SPHKAP: variants seen among roughly 807,000 people sequenced by gnomAD.
SPHKAP encodes the protein SPHK1 interactor, AKAP domain containing, also known as A-kinase anchor protein SPHKAP.
A neutral mutation model predicts 137.5 loss-of-function variants in SPHKAP; 67 were observed. The observed-to-expected ratio is 0.49, with a 90% CI of 0.40 to 0.60. The LOEUF is 0.60. Ranked by LOEUF, SPHKAP falls within the 20% of genes least tolerant of loss-of-function variation. The pLI, the probability that SPHKAP is intolerant of heterozygous loss-of-function variation, is 0.00. For synonymous variants in SPHKAP, 813 were observed against 785.3 expected, an observed-to-expected ratio of 1.04 and a Z score of -0.59; for missense variants, 2,097 against 2,069.3, an observed-to-expected ratio of 1.01 and a Z score of -0.26.
chr2:228,121,758 G>A (rs1326644653), intron 2 of SPHKAP, among the ~76,000 whole-genome samples: 1 of 152,140 alleles, frequency 6.6e-6, no homozygotes, highest in Admixed American at 6.5e-5. Flanking sequence ...GCATGCAAAG[G>A]AGAGGGCTCA....
At chr2:228,118,214 A>G (rs577004799) in intron 2 of SPHKAP, among the ~76,000 whole-genome samples, 3 of 144,570 alleles carry the variant, frequency 2.1e-5, no homozygotes, top group African/African-American at 7.6e-5. Flanking sequence ...ATTGCTGAGT[A>G]GCATTCCATT....
chr2:228,145,582 C>A (rs1162727793), intron 1 of SPHKAP, among the ~76,000 whole-genome samples: 1 of 152,068 alleles, frequency 6.6e-6, no homozygotes, highest in Non-Finnish European at 1.5e-5. Context: ...TCTATCATTA[C>A]AATTATAGAT....
Position 228,102,840 on chromosome 2 carries a change from T to G in SPHKAP, c.246+5992A>C, listed in dbSNP as rs575523200. Among the ~76,000 whole-genome samples the G allele has an allele frequency of 1.4e-4, 21 of 152,224 alleles. No homozygotes were observed. The South Asian group carries it at 4.4e-3, about 32-fold the overall frequency. ...TCACTGCTGCCTCGAACTCCTGGCC[T>G]CCAGTGATCTCTCACCCCAACCTCC... On this transcript the variant is annotated intron_variant, in intron 3 of 11. Transcript: ENST00000392056.
chr2:228,075,676 G>A (rs1697156815), intron 3 of SPHKAP, among the ~76,000 whole-genome samples: 1 of 152,120 alleles, frequency 6.6e-6, no homozygotes, highest in Non-Finnish European at 1.5e-5. Context: ...AAAAGAAAAA[G>A]CAATGTTTCT....
At chr2:228,001,248 T>TAC (rs201404615) in intron 7 of SPHKAP, among the ~76,000 whole-genome samples, 18 of 114,712 alleles carry the variant, frequency 1.6e-4, no homozygotes, top group Non-Finnish European at 2.6e-4. Flanking sequence ...TATATATATA[T>TAC]ACACACACAC....
rs75541830 is a variant in SPHKAP, at chr2:227,981,405, G to A, written c.*312C>T. 617 of 205,668 alleles carry A rather than the reference G, an allele frequency of 3.0e-3. 24 individuals carry two copies. In the East Asian group the frequency reaches 0.061, roughly 20 times the overall value. The allele number at this position is 205,668 out of a possible 1,614,324, so 12.7% of individuals were successfully genotyped here. A position where few individuals can be genotyped will look rare whatever the true frequency, so the allele number is the denominator to read the frequency against. On this transcript the variant is annotated 3_prime_UTR_variant, in exon 12 of 12. Coordinates refer to ENST00000392056, the MANE Select transcript of SPHKAP (RefSeq NM_001142644.2). ...TCATTTTATATGATTAAACTTATGTGAGTGTTGTTTTCCTGGAGATTGGGT... is the reference window on the plus strand; with the variant it reads ...TCATTTTATATGATTAAACTTATGTAAGTGTTGTTTTCCTGGAGATTGGGT...
At chr2:228,015,849 T>A (rs570686546) in intron 7 of SPHKAP, among the ~76,000 whole-genome samples, 1 of 151,812 alleles carries the variant, frequency 6.6e-6, no homozygotes, top group South Asian at 2.1e-4. Flanking sequence ...AGAAGAAAAA[T>A]GAGAGGAGAG....
At chr2:228,147,342 T>A in intron 1 of SPHKAP, among the ~76,000 whole-genome samples, 1 of 152,182 alleles carries the variant, frequency 6.6e-6, no homozygotes, top group Non-Finnish European at 1.5e-5. Context: ...ATATAAACCG[T>A]GAGTGGAAAT....
At chr2:227,999,274 C>T (rs984950014) in intron 7 of SPHKAP, among the ~76,000 whole-genome samples, 1 of 152,036 alleles carries the variant, frequency 6.6e-6, no homozygotes, top group African/African-American at 2.4e-5. Context: ...GAAAGAAGGT[C>T]CTTGCTTGGT....
chr2:228,059,634 G>C (rs937058218), intron 3 of SPHKAP, among the ~76,000 whole-genome samples: 2 of 152,272 alleles, frequency 1.3e-5, no homozygotes, highest in Admixed American at 1.3e-4. Flanking sequence ...TCCAATTCTT[G>C]TCTTTAGGTA....
At chr2:228,163,569 G>A (rs1394587020) in intron 1 of SPHKAP, among the ~76,000 whole-genome samples, 3 of 152,092 alleles carry the variant, frequency 2.0e-5, no homozygotes, top group Non-Finnish European at 2.9e-5. Context: ...TTGAAGAGGA[G>A]CAATTGTACC....
At position 228,138,877 on chromosome 2, in the gene SPHKAP, T is replaced by A. The variant is rs901472082; in HGVS notation, c.33-6792A>T. 3.3e-5 allele frequency among the ~76,000 whole-genome samples: 5 copies of A among 152,332 alleles called. No homozygotes were observed. The East Asian group carries it at 9.7e-4, about 29-fold the overall frequency. On this transcript the variant is annotated intron_variant, in intron 1 of 11. Transcript: ENST00000392056. Reference sequence around the variant, plus strand: ...TGTAGCAAGAAACTGTGATGTATTATCCAAGAATGAAGGATATTTCTTTTC... The same window carrying A: ...TGTAGCAAGAAACTGTGATGTATTAACCAAGAATGAAGGATATTTCTTTTC...
At chr2:228,021,193 G>T (rs147728301) in intron 6 of SPHKAP, among the ~76,000 whole-genome samples, 12 of 152,262 alleles carry the variant, frequency 7.9e-5, no homozygotes, top group African/African-American at 2.9e-4. Context: ...CACTTTCCTG[G>T]ATTATCTCTT....
At chr2:228,089,078 G>A (rs922192181) in intron 3 of SPHKAP, among the ~76,000 whole-genome samples, 13 of 152,230 alleles carry the variant, frequency 8.5e-5, no homozygotes, top group Admixed American at 3.3e-4. Context: ...AAGAAGACAG[G>A]AAAATGAGTT....
chr2:227,993,342 T>G (rs769407517), intron 9 of SPHKAP, among the ~76,000 whole-genome samples, 192 bp downstream of exon 9: 5 of 152,216 alleles, frequency 3.3e-5, no homozygotes, highest in Admixed American at 6.5e-5. Context: ...GGGGCAGATT[T>G]GAAACCCAGA....
At chr2:228,103,574 G>A (rs1698242893) in intron 3 of SPHKAP, among the ~76,000 whole-genome samples, 1 of 152,200 alleles carries the variant, frequency 6.6e-6, no homozygotes, top group Non-Finnish European at 1.5e-5. Context: ...GCTGGGAGCT[G>A]CCTCTCACTC....
chr2:228,060,024 G>A (rs1044847856), intron 3 of SPHKAP, among the ~76,000 whole-genome samples: 4 of 152,112 alleles, frequency 2.6e-5, no homozygotes, highest in African/African-American at 9.7e-5. Context: ...ATTTCCCATG[G>A]CCACAAAATC....
intron 7 of SPHKAP, among the ~76,000 whole-genome samples, chr2:228,001,420 T>A (rs1264451976): frequency 7.1e-6 from 1 of 140,188 alleles, no homozygotes; most frequent in African/African-American, 2.6e-5. Flanking sequence ...TATATATAAA[T>A]ATATACATAT....
intron 3 of SPHKAP, among the ~76,000 whole-genome samples, chr2:228,042,642 A>G (rs1695896023): frequency 6.6e-6 from 1 of 152,126 alleles, no homozygotes; most frequent in Admixed American, 6.5e-5. Flanking sequence ...TTTATAAAGA[A>G]CCGTCATTTC....
Sources: allele counts gnomAD v4.1 joint callset (sites outside exome capture counted in the v4.1 genomes callset), GRCh38; gene constraint gnomAD v4.1.1; transcripts MANE v1.5; gene names NCBI Gene and HGNC (gene_info 2026-07-23, HGNC 2026-07-21).